RXFP1: variants seen among roughly 807,000 people sequenced by gnomAD.
The protein encoded by RXFP1 is relaxin family peptide receptor 1, also known as relaxin receptor 1.
RXFP1 carries 73 observed loss-of-function variants against 89.8 expected under a neutral mutation model. The observed-to-expected ratio is 0.81, with a 90% CI of 0.67 to 0.99. The LOEUF is 0.99. Ranked by LOEUF, RXFP1 falls within the 50% of genes least tolerant of loss-of-function variation. RXFP1 has a pLI of 0.00. For synonymous variants in RXFP1, 277 were observed against 305.5 expected (o/e 0.91, Z 0.97); for missense variants, 793 against 895.5 (o/e 0.89, Z 1.46).
chr4:158,523,524 A>T (rs989817088), intron 1 of RXFP1, among the ~76,000 whole-genome samples: 1 of 152,048 alleles, frequency 6.6e-6, no homozygotes, highest in South Asian at 2.1e-4. Flanking sequence ...TGATGCCAAA[A>T]CCCTCTGTCT....
Position 158,639,241 on chromosome 4 carries a change from A to T in RXFP1, c.1044-19A>T, listed in dbSNP as rs1026693922. ...ATAATACATGTTCCTTTGATTGATT[A>T]TTAATTTGATATTTTTAGCAGCCTA... is the stretch of plus-strand genomic sequence containing the variant. On this transcript the variant is annotated intron_variant, in intron 13 of 17. Coordinates refer to ENST00000307765, the MANE Select transcript of RXFP1 (RefSeq NM_021634.4). 3 of 1,360,030 alleles carry T rather than the reference A, an allele frequency of 2.2e-6. No homozygotes were observed. Among genetic ancestry groups the T allele is most frequent in the Non-Finnish European group, 3.2e-6 (3 of 951,684 alleles). 84.2% of individuals were successfully genotyped at this position (1,360,030 alleles called of 1,614,324 possible).
intron 6 of RXFP1, among the ~76,000 whole-genome samples, chr4:158,608,663 C>T (rs1030759686): frequency 6.6e-6 from 1 of 152,086 alleles, no homozygotes; most frequent in East Asian, 1.9e-4. Flanking sequence ...TTAAGTAAAC[C>T]ATTCAGTGGC....
chr4:158,561,858 C>A (rs949542635), intron 1 of RXFP1, among the ~76,000 whole-genome samples: 3 of 152,000 alleles, frequency 2.0e-5, no homozygotes, highest in Non-Finnish European at 4.4e-5. Context: ...GAACTCCTGA[C>A]CTCAAGTGAT....
intron 1 of RXFP1, among the ~76,000 whole-genome samples, chr4:158,542,493 A>G (rs2149837431): frequency 6.6e-6 from 1 of 152,292 alleles, no homozygotes; most frequent in South Asian, 2.1e-4. Flanking sequence ...AGAAAGCTAC[A>G]TGTTATGTTC....
At chr4:158,613,519 T>G (rs1309172119) in intron 8 of RXFP1, among the ~76,000 whole-genome samples, 1 of 152,224 alleles carries the variant, frequency 6.6e-6, no homozygotes, top group Non-Finnish European at 1.5e-5. Context: ...AGGAGTAGAT[T>G]CCATCTCAAG....
At chr4:158,582,093 T>C (rs993658545) in intron 2 of RXFP1, among the ~76,000 whole-genome samples, 7 of 152,102 alleles carry the variant, frequency 4.6e-5, no homozygotes, top group Admixed American at 4.6e-4. Flanking sequence ...ACATTCATGA[T>C]CCAAACTAGG....
chr4:158,641,772 G>T (rs1056135317), intron 14 of RXFP1, among the ~76,000 whole-genome samples: 5 of 152,064 alleles, frequency 3.3e-5, no homozygotes, highest in Non-Finnish European at 2.9e-5. Context: ...AGTTCAATTT[G>T]CATATTTAGT....
chr4:158,526,507 G>A lies in RXFP1; in HGVS notation c.49+4482G>A, dbSNP rs549465970. ...CTTTCCTTCTTTGGAGATAAGCAGG[G>A]GCAAGTTGTGAATATTTCAAATTTA... is the stretch of plus-strand genomic sequence containing the variant. On this transcript the variant is annotated intron_variant, in intron 1 of 17. Transcript: ENST00000307765. Among the ~76,000 whole-genome samples the A allele has an allele frequency of 2.0e-5, 3 of 152,152 alleles. No homozygotes were observed. The East Asian group carries it at 5.8e-4, about 29-fold the overall frequency.
intron 1 of RXFP1, among the ~76,000 whole-genome samples, chr4:158,547,744 A>G (rs986554366): frequency 9.9e-5 from 15 of 152,030 alleles, no homozygotes; most frequent in Non-Finnish European, 2.9e-5. Context: ...TTCAGTTTCC[A>G]TGTAGTTGAG....
intron 9 of RXFP1, among the ~76,000 whole-genome samples, chr4:158,622,732 G>A (rs1477383684): frequency 6.6e-6 from 1 of 152,164 alleles, no homozygotes; most frequent in Admixed American, 6.5e-5. Context: ...GGAGATGTAG[G>A]TTCAAGGGTA....
At chr4:158,611,890 A>C (rs939143528) in intron 6 of RXFP1, among the ~76,000 whole-genome samples, 1 of 152,222 alleles carries the variant, frequency 6.6e-6, no homozygotes, top group African/African-American at 2.4e-5. Context: ...GTAAGTATTC[A>C]AAATAGGTTA....
rs1756381713 is a variant in RXFP1, at chr4:158,577,015, CT to C, written c.187+4182del. Among the ~76,000 whole-genome samples the C allele has an allele frequency of 6.3e-3, 74 of 11,692 alleles. 1 individual carries two copies. Among genetic ancestry groups the C allele is most frequent in the Non-Finnish European group, 0.022 (29 of 1,322 alleles). 7.7% of individuals were successfully genotyped at this position (11,692 alleles called of 152,430 possible). ...TTTATGCTCCCAAGGCTGTTCTTTT[CT>C]TCTTCTTCTTCTTCTTCTTCTTCTT... On this transcript the variant is annotated intron_variant, in intron 2 of 17. Coordinates refer to ENST00000307765, the MANE Select transcript of RXFP1 (RefSeq NM_021634.4).
intron 1 of RXFP1, among the ~76,000 whole-genome samples, chr4:158,525,448 TAATG>T (rs745591387): frequency 1.1e-4 from 17 of 152,212 alleles, no homozygotes; most frequent in Non-Finnish European, 2.4e-4. Flanking sequence ...GAAGGAAAAT[TAATG>T]AATCTGTGCA....
At chr4:158,567,867 A>G (rs1362085510) in intron 1 of RXFP1, among the ~76,000 whole-genome samples, 1 of 152,212 alleles carries the variant, frequency 6.6e-6, no homozygotes, top group Admixed American at 6.5e-5. Context: ...AGGCTGCCCA[A>G]GTCAGCAGTG....
At chr4:158,576,054 G>A (rs939254731) in intron 2 of RXFP1, among the ~76,000 whole-genome samples, 15 of 152,206 alleles carry the variant, frequency 9.9e-5, no homozygotes, top group African/African-American at 3.1e-4. Flanking sequence ...CATTGCCAAC[G>A]TTTGAAACCT....
intron 1 of RXFP1, among the ~76,000 whole-genome samples, chr4:158,552,480 A>G (rs1750358912): frequency 6.6e-6 from 1 of 152,184 alleles, no homozygotes; most frequent in Non-Finnish European, 1.5e-5. Context: ...GACCCTCAAA[A>G]ACTTTGATTC....
At chr4:158,560,348 G>A (rs1350786671) in intron 1 of RXFP1, among the ~76,000 whole-genome samples, 1 of 152,082 alleles carries the variant, frequency 6.6e-6, no homozygotes, top group African/African-American at 2.4e-5. Context: ...CATTTGTATG[G>A]CAGTTCACAC....
intron 1 of RXFP1, among the ~76,000 whole-genome samples, chr4:158,555,355 G>A (rs959300817): frequency 1.3e-5 from 2 of 152,110 alleles, no homozygotes; most frequent in Admixed American, 1.3e-4. Context: ...TATAACTCAG[G>A]TAAAATTATG....
At chr4:158,592,693 G>A (rs1759739144) in intron 2 of RXFP1, among the ~76,000 whole-genome samples, 1 of 152,154 alleles carries the variant, frequency 6.6e-6, no homozygotes, top group Non-Finnish European at 1.5e-5. Flanking sequence ...CATAATTATT[G>A]TAAAATACTA....
Sources: gnomAD v4.1 joint callset for allele counts (sites outside exome capture counted in the v4.1 genomes callset) on GRCh38, gnomAD v4.1.1 for gene constraint, MANE v1.5 for transcripts, NCBI Gene and HGNC (gene_info 2026-07-23, HGNC 2026-07-21) for gene names.